EPHA6: variants seen among roughly 807,000 people sequenced by gnomAD.
EPHA6 encodes the protein ephrin type-A receptor 6.
EPHA6 carries 50 observed loss-of-function variants against 112.0 expected under a neutral mutation model. The ratio of observed to expected loss-of-function variants is 0.45; its 90% CI spans 0.36 to 0.56. The LOEUF is 0.56. EPHA6 is among the 20% of genes least tolerant of loss of function. The probability of loss-of-function intolerance (pLI) is 0.00; values close to 1 mark genes in which losing one functional copy is unlikely to be tolerated. For missense variants in EPHA6, 1,280 were observed against 1,417.4 expected (o/e 0.90, Z 1.56); for synonymous variants, 529 against 490.7 (o/e 1.08, Z -1.03).
chr3:96,862,249 A>G (rs920417343), intron 1 of EPHA6, among the ~76,000 whole-genome samples: 1 of 151,906 alleles, frequency 6.6e-6, no homozygotes, highest in Non-Finnish European at 1.5e-5. Context: ...TTTAAGAGCT[A>G]TTGGAGGTAG....
At chr3:97,181,615 G>A (rs570215009) in intron 3 of EPHA6, among the ~76,000 whole-genome samples, 47 of 151,888 alleles carry the variant, frequency 3.1e-4, no homozygotes, top group African/African-American at 8.2e-4. Flanking sequence ...GTGTGTGTGT[G>A]TATATATATG....
At chr3:96,821,393 A>C (rs972445188) in intron 1 of EPHA6, among the ~76,000 whole-genome samples, 19 of 151,942 alleles carry the variant, frequency 1.3e-4, no homozygotes, top group African/African-American at 2.4e-4. Flanking sequence ...GTGCTTTAGA[A>C]TGTTCTGGAA....
chr3:96,966,351 G>A (rs891961899), intron 2 of EPHA6, among the ~76,000 whole-genome samples: 2 of 152,118 alleles, frequency 1.3e-5, no homozygotes, highest in African/African-American at 4.8e-5. Flanking sequence ...TGGCAAAGCA[G>A]AAATGTGGGT....
intron 5 of EPHA6, among the ~76,000 whole-genome samples, chr3:97,364,919 C>T (rs1421610709): frequency 1.3e-5 from 2 of 152,138 alleles, no homozygotes; most frequent in East Asian, 3.9e-4. Context: ...ATTCTAAAAA[C>T]ATACCTTCTC....
chr3:97,481,187 C>T (rs2091533096), intron 9 of EPHA6: 5 of 1,035,914 alleles, frequency 4.8e-6, no homozygotes, highest in Admixed American at 1.7e-5. Flanking sequence ...CGAACAATTT[C>T]CTCATGAAGT....
Position 97,184,007 on chromosome 3 carries a change from C to T in EPHA6, c.1115-42257C>T, listed in dbSNP as rs557516055. Among the ~76,000 whole-genome samples the T allele has an allele frequency of 9.2e-5, 14 of 152,044 alleles. No individual in the cohort carries two copies. In the East Asian group the frequency reaches 1.2e-3, roughly 13 times the overall value. ...CATTTTAAAATCATCATTGAAAGTT[C>T]GATTGGATTTACATAGTTTTATAGA... is the stretch of plus-strand genomic sequence containing the variant. On this transcript the variant is annotated intron_variant, in intron 3 of 17. Coordinates refer to ENST00000389672, the MANE Select transcript of EPHA6 (RefSeq NM_001080448.3).
intron 1 of EPHA6, among the ~76,000 whole-genome samples, chr3:96,846,241 A>T (rs1026472351): frequency 6.6e-6 from 1 of 152,054 alleles, no homozygotes; most frequent in East Asian, 1.9e-4. Flanking sequence ...ACTGTCCCAT[A>T]GCGGTAATTC....
intron 10 of EPHA6, among the ~76,000 whole-genome samples, chr3:97,525,918 G>C (rs1293602041): frequency 6.6e-6 from 1 of 152,144 alleles, no homozygotes; most frequent in Non-Finnish European, 1.5e-5. Flanking sequence ...GATGGATATG[G>C]CTTCCGCTGG....
chr3:96,834,198 G>C (rs183150978), intron 1 of EPHA6, among the ~76,000 whole-genome samples: 2 of 151,992 alleles, frequency 1.3e-5, no homozygotes, highest in Admixed American at 1.3e-4. Flanking sequence ...AGTATGTAAC[G>C]TTTGCATAAA....
At chr3:97,170,042 G>A (rs1338793945) in intron 3 of EPHA6, among the ~76,000 whole-genome samples, 1 of 151,364 alleles carries the variant, frequency 6.6e-6, no homozygotes, top group African/African-American at 2.4e-5. Flanking sequence ...ATGACGGATT[G>A]ATAGATGCAG....
chr3:97,567,188 G>T (rs544287130), intron 11 of EPHA6, among the ~76,000 whole-genome samples: 2 of 152,186 alleles, frequency 1.3e-5, no homozygotes, highest in African/African-American at 4.8e-5. Context: ...GTATGGCCTT[G>T]AGTAAGTTGC....
At chr3:97,187,655 A>C (rs2077177934) in intron 3 of EPHA6, among the ~76,000 whole-genome samples, 1 of 138,784 alleles carries the variant, frequency 7.2e-6, no homozygotes, top group South Asian at 2.2e-4. Flanking sequence ...AGAGAGAAAG[A>C]AAGAAAGGAA....
intron 1 of EPHA6, among the ~76,000 whole-genome samples, chr3:96,843,788 G>T (rs938815366): frequency 6.6e-6 from 1 of 151,844 alleles, no homozygotes; most frequent in Admixed American, 6.6e-5. Context: ...TTTATATGAC[G>T]CCTTAAAGAA....
chr3:97,191,558 G>A lies in EPHA6; in HGVS notation c.1115-34706G>A, dbSNP rs183329160. 2.7e-3 allele frequency among the ~76,000 whole-genome samples: 415 copies of A among 152,054 alleles called. 2 individuals are homozygous for A. Among genetic ancestry groups the A allele is most frequent in the African/African-American group, 9.5e-3 (394 of 41,496 alleles). On this transcript the variant is annotated intron_variant, in intron 3 of 17. Coordinates refer to ENST00000389672, the MANE Select transcript of EPHA6 (RefSeq NM_001080448.3). ...TAATTTCTAGCTTCTACAAATGTGTGAGAATATGCCAAATTTGACTATCTG... is the reference window on the plus strand; with the variant it reads ...TAATTTCTAGCTTCTACAAATGTGTAAGAATATGCCAAATTTGACTATCTG...
At chr3:97,556,563 A>G (rs2093113222) in intron 11 of EPHA6, among the ~76,000 whole-genome samples, 1 of 152,012 alleles carries the variant, frequency 6.6e-6, no homozygotes, top group Non-Finnish European at 1.5e-5. Context: ...CTATCTTGAG[A>G]ACAGCATGAG....
rs558458660 is a variant in EPHA6, at chr3:97,534,460, C to CT, written c.2386+1930dup. The stretch of plus-strand genomic sequence containing the variant: ...GTCTCACTTTAAAACCCACCCCCCC[C>CT]TTTTTTTTTTTTTGCTTTTGCTATA... On this transcript the variant is annotated intron_variant, in intron 11 of 17. Transcript: ENST00000389672. Among the ~76,000 whole-genome samples, 465 of 136,518 alleles carry CT rather than the reference C, an allele frequency of 3.4e-3. 1 individual carries two copies. Among genetic ancestry groups the CT allele is most frequent in the South Asian group, 7.2e-3 (28 of 3,892 alleles). 89.6% of individuals were successfully genotyped at this position (136,518 alleles called of 152,430 possible).
Position 97,171,754 on chromosome 3 carries a change from G to T in EPHA6, c.1115-54510G>T, listed in dbSNP as rs137981129. ...ATAAGCTTAAATACCTGTCAATTAT[G>T]ATTCCCAGAAGATAATTTGAAAAAA... On this transcript the variant is annotated intron_variant, in intron 3 of 17. Transcript: ENST00000389672. Among the ~76,000 whole-genome samples, 284 of 152,086 alleles carry T rather than the reference G, an allele frequency of 1.9e-3. 1 individual carries two copies. Among genetic ancestry groups the T allele is most frequent in the African/African-American group, 6.6e-3 (275 of 41,514 alleles).
intron 2 of EPHA6, among the ~76,000 whole-genome samples, chr3:96,943,710 A>G (rs377731518): frequency 2.0e-5 from 3 of 152,206 alleles, no homozygotes; most frequent in East Asian, 1.9e-4. Flanking sequence ...TGACTGTTGT[A>G]TGATAGAGTA....
chr3:97,253,015 C>G (rs901754426), intron 5 of EPHA6, among the ~76,000 whole-genome samples: 4 of 151,996 alleles, frequency 2.6e-5, no homozygotes, highest in Non-Finnish European at 5.9e-5. Context: ...AAAAAAGATG[C>G]CTGTGTGTTT....
Sources: allele counts gnomAD v4.1 joint callset (sites outside exome capture counted in the v4.1 genomes callset), GRCh38; gene constraint gnomAD v4.1.1; transcripts MANE v1.5; gene names NCBI Gene and HGNC (gene_info 2026-07-23, HGNC 2026-07-21).